AFF1: variants seen among roughly 807,000 people sequenced by gnomAD.
AFF1 encodes ALF transcription elongation factor 1.
In AFF1, 48 loss-of-function variants were observed where a neutral mutation model predicts 121.7. That is an observed-to-expected ratio of 0.39 (90% CI 0.31 to 0.50). The LOEUF (loss-of-function observed/expected upper bound fraction) is 0.50, where lower values mean the gene tolerates loss of function less well. AFF1 is among the 20% of genes least tolerant of loss of function. AFF1 has a pLI of 0.76. For missense variants in AFF1, 1,523 were observed against 1,511.7 expected (o/e 1.01, Z -0.12); for synonymous variants, 613 against 563.0 (o/e 1.09, Z -1.26).
intron 1 of AFF1, among the ~76,000 whole-genome samples, chr4:86,943,670 C>CA (rs1167231898): frequency 2.6e-5 from 4 of 151,726 alleles, no homozygotes; most frequent in African/African-American, 9.7e-5. Flanking sequence ...ACAAAAAATA[C>CA]AAAAATTAGC....
chr4:86,939,139 C>G lies in AFF1; in HGVS notation c.-37+3899C>G, dbSNP rs746551681. ...TAACATGATCAAGAAAGAGAAAGGG[C>G]CTGTGCAGGTGGAACTTATATTGGC... On this transcript the variant is annotated intron_variant, in intron 1 of 20. Transcript: ENST00000395146. Among the ~76,000 whole-genome samples, 4 of 152,248 alleles carry G rather than the reference C, an allele frequency of 2.6e-5. No homozygotes were observed. The South Asian group carries it at 8.3e-4, about 32-fold the overall frequency.
intron 1 of AFF1, chr4:86,936,252 C>G (rs549365268): frequency 2.0e-5 from 3 of 152,328 alleles, no homozygotes; most frequent in Non-Finnish European, 2.9e-5. Flanking sequence ...CACCCTCCCC[C>G]TTGGTGCACG....
intron 16 of AFF1, among the ~76,000 whole-genome samples, chr4:87,129,295 G>A (rs1363795922): frequency 1.3e-5 from 2 of 152,212 alleles, no homozygotes; most frequent in African/African-American, 4.8e-5. Context: ...ATCCAACTGA[G>A]TAGAAAGGGA....
At chr4:86,949,947 G>GC in intron 2 of AFF1, 1 of 1,614,074 alleles carries the variant, frequency 6.2e-7, no homozygotes, top group Non-Finnish European at 8.5e-7. Context: ...CGCAGGTCCC[G>GC]CAGGGCCATG....
Position 87,047,514 on chromosome 4 carries a change from C to A in AFF1, c.979C>A (p.Gln327Lys). 1 of 1,614,196 alleles carries A rather than the reference C, an allele frequency of 6.2e-7. No individual in the cohort carries two copies. The highest frequency in any genetic ancestry group is 1.1e-5 in the South Asian group (1 of 91,088). ...ACCACTGCCGGAGGACTATCGACAG[C>A]AGACCTTTGAAAAAACAGACTTGAA... The part of the protein sequence containing the change: ...LKPLPEDYRQ[Q>K]TFEKTDLKVP... The change falls in exon 4 of 21, where the codon CAG (glutamine) becomes AAG (lysine). Residue 327 changes from glutamine (Q) to lysine (K), a missense_variant. Physicochemically the swap from Gln to Lys is moderately conservative, Grantham distance 53 (BLOSUM62 1). Coordinates refer to ENST00000395146, the MANE Select transcript of AFF1 (RefSeq NM_001166693.3).
chr4:86,949,178 ATAT>A (rs1290702392), intron 2 of AFF1, among the ~76,000 whole-genome samples: 2 of 106,932 alleles, frequency 1.9e-5, no homozygotes, highest in East Asian at 2.9e-4. Context: ...ATATATATAT[ATAT>A]TTTTTTTTTT....
At chr4:86,960,964 GTTGTAAGAC>G in intron 2 of AFF1, among the ~76,000 whole-genome samples, 1 of 152,314 alleles carries the variant, frequency 6.6e-6, no homozygotes, top group Non-Finnish European at 1.5e-5. Context: ...TTCCAAGCAA[GTTGTAAGAC>G]TTGAGAAAGG....
intron 4 of AFF1, among the ~76,000 whole-genome samples, chr4:87,051,361 G>A (rs2031946255): frequency 2.0e-5 from 3 of 151,166 alleles, no homozygotes; most frequent in African/African-American, 7.3e-5. Context: ...CATTTCCTGT[G>A]TGTTTCTTGG....
In AFF1 at chr4:87,105,679, A is replaced by G; in HGVS notation, c.1335A>G (p.Glu445=). The G allele has an allele frequency of 6.2e-7, 1 of 1,614,206 alleles. No individual in the cohort carries two copies. The highest frequency in any genetic ancestry group is 8.5e-7 in the Non-Finnish European group (1 of 1,180,034). The stretch of plus-strand genomic sequence containing the variant: ...GTGACAGTGAGGACAGTGACAGTGA[A>G]CAAGTAAGTGTTGCACAGCCTGTAA... ...QLSDSEDSDS[E]QTPEKPPSSS... Residue 445 remains glutamate, a synonymous_variant, in exon 9 of 21, where the codon GAA becomes GAG. Coordinates refer to ENST00000395146, the MANE Select transcript of AFF1 (RefSeq NM_001166693.3).
intron 15 of AFF1, 42 bp downstream of exon 15, chr4:87,127,159 TTTTGC>T (rs1326676903): frequency 2.7e-6 from 4 of 1,488,072 alleles, no homozygotes; most frequent in Admixed American, 3.6e-5. Context: ...TTTTGTTTTG[TTTTGC>T]TTCCCCCCCC....
chr4:87,124,393 A>G (rs1294864994), intron 12 of AFF1, among the ~76,000 whole-genome samples: 1 of 152,196 alleles, frequency 6.6e-6, no homozygotes, highest in Non-Finnish European at 1.5e-5. Context: ...AGACAGTATT[A>G]AAAAAATTGA....
Position 87,046,696 on chromosome 4 carries a change from C to T in AFF1, c.161C>T (p.Thr54Ile), listed in dbSNP as rs777476084. The T allele has an allele frequency of 4.0e-5, 64 of 1,586,632 alleles. No individual in the cohort carries two copies. Among genetic ancestry groups the T allele is most frequent in the Non-Finnish European group, 5.1e-5 (60 of 1,167,396 alleles). ...KIPLFGEPYKTAKGDELSSRI... is the reference protein window; with the variant it reads ...KIPLFGEPYKIAKGDELSSRI... ...TCTCAAATTCTCCTTTTTTTTCAGA[C>T]AGCAAAAGGTGATGAGCTGTCTAGT... The change falls in exon 4 of 21, where the codon ACA becomes ATA. Residue 54 changes from threonine (T) to isoleucine (I), a missense_variant and splice_region_variant. Physicochemically the swap from Thr to Ile is moderately conservative, Grantham distance 89. Around this residue, in one of 5 missense-constraint regions of AFF1, gnomAD observed 369 missense variants for 367.2 expected, o/e 1.00. Coordinates refer to ENST00000395146, the MANE Select transcript of AFF1 (RefSeq NM_001166693.3).
In AFF1 at chr4:87,129,455, T is replaced by C. The variant is rs547077783; in HGVS notation, c.2965-1628T>C. Among the ~76,000 whole-genome samples, 7 of 152,374 alleles carry C rather than the reference T, an allele frequency of 4.6e-5. No individual in the cohort carries two copies. In the East Asian group the frequency reaches 5.8e-4, roughly 13 times the overall value. ...AAGGAAATGGATATTGACAAATTGC[T>C]ACACAGTATTGTAGTTTAGTTTATT... is the stretch of plus-strand genomic sequence containing the variant. On this transcript the variant is annotated intron_variant, in intron 16 of 20. Coordinates refer to ENST00000395146, the MANE Select transcript of AFF1 (RefSeq NM_001166693.3).
intron 2 of AFF1, among the ~76,000 whole-genome samples, chr4:86,971,806 C>T (rs1339125659): frequency 2.0e-5 from 3 of 152,098 alleles, no homozygotes; most frequent in African/African-American, 4.8e-5. Context: ...GGAAAGCCTT[C>T]CTGAATGAGA....
intron 4 of AFF1, among the ~76,000 whole-genome samples, chr4:87,057,496 G>A (rs1720271236): frequency 6.6e-6 from 1 of 152,106 alleles, no homozygotes; most frequent in Admixed American, 6.5e-5. Context: ...GGTAATCTTT[G>A]AATTACTTAA....
At chr4:86,962,736 C>T (rs1355246188) in intron 2 of AFF1, among the ~76,000 whole-genome samples, 1 of 152,136 alleles carries the variant, frequency 6.6e-6, no homozygotes, top group Non-Finnish European at 1.5e-5. Flanking sequence ...ATTTTTGTTA[C>T]TCTGGAACTT....
At chr4:87,010,359 G>C (rs1221062435) in intron 2 of AFF1, among the ~76,000 whole-genome samples, 2 of 152,202 alleles carry the variant, frequency 1.3e-5, no homozygotes, top group African/African-American at 4.8e-5. Flanking sequence ...TGGTCACTGA[G>C]AAATGTCTTG....
At chr4:86,959,878 C>A (rs1204831134) in intron 2 of AFF1, among the ~76,000 whole-genome samples, 2 of 152,154 alleles carry the variant, frequency 1.3e-5, no homozygotes, top group Non-Finnish European at 2.9e-5. Context: ...CTTCTCTTCT[C>A]TGTCTCTGAT....
intron 2 of AFF1, among the ~76,000 whole-genome samples, chr4:87,039,985 G>A (rs544709928): frequency 2.6e-5 from 4 of 151,978 alleles, no homozygotes; most frequent in East Asian, 1.9e-4. Flanking sequence ...CACTGCAGCC[G>A]AGATCTAGCG....
Sources: allele counts gnomAD v4.1 joint callset (sites outside exome capture counted in the v4.1 genomes callset), GRCh38; gene constraint gnomAD v4.1.1; regional missense constraint gnomAD v4.1.1; transcripts MANE v1.5; gene names NCBI Gene and HGNC (gene_info 2026-07-23, HGNC 2026-07-21).